Variants in ZNF804A observed in about 807,000 individuals in gnomAD.
ZNF804A encodes the protein zinc finger protein 804A.
ZNF804A carries 2 observed loss-of-function variants against 16.5 expected under a neutral mutation model. That is an observed-to-expected ratio of 0.12 (90% CI 0.05 to 0.38). The LOEUF (loss-of-function observed/expected upper bound fraction) is 0.38, where lower values mean the gene tolerates loss of function less well. Ranked by LOEUF, ZNF804A falls within the 10% of genes least tolerant of loss-of-function variation. ZNF804A has a pLI of 0.99. For missense variants in ZNF804A, 1,473 were observed against 1,390.7 expected, an observed-to-expected ratio of 1.06 and a Z score of -0.94; for synonymous variants, 534 against 489.6, an observed-to-expected ratio of 1.09 and a Z score of -1.20.
chr2:184,792,757 T>A (rs530890121), intron 1 of ZNF804A, among the ~76,000 whole-genome samples: 25 of 152,218 alleles, frequency 1.6e-4, no homozygotes, highest in African/African-American at 6.0e-4. Context: ...TATGTTATCT[T>A]CTAGGAGTTT....
intron 1 of ZNF804A, among the ~76,000 whole-genome samples, chr2:184,735,391 A>G (rs568982892): frequency 2.6e-5 from 4 of 152,244 alleles, no homozygotes; most frequent in East Asian, 1.9e-4. Flanking sequence ...GAGTTGAACA[A>G]TGAGAACACA....
At chr2:184,834,168 A>C (rs1195948865) in intron 1 of ZNF804A, among the ~76,000 whole-genome samples, 1 of 152,122 alleles carries the variant, frequency 6.6e-6, no homozygotes, top group Non-Finnish European at 1.5e-5. Context: ...TACATGCTTA[A>C]ATCAATATAT....
chr2:184,809,073 T>C (rs1366792176), intron 1 of ZNF804A, among the ~76,000 whole-genome samples: 7 of 151,934 alleles, frequency 4.6e-5, no homozygotes, highest in African/African-American at 1.4e-4. Context: ...TTGAAGTAGT[T>C]AATTATTGAA....
intron 1 of ZNF804A, among the ~76,000 whole-genome samples, chr2:184,685,728 A>C (rs935338478): frequency 1.3e-5 from 2 of 152,152 alleles, no homozygotes; most frequent in African/African-American, 4.8e-5. Flanking sequence ...ACATGTTTTC[A>C]TTCCAGGCCA....
intron 1 of ZNF804A, among the ~76,000 whole-genome samples, chr2:184,613,516 G>A (rs1314758538): frequency 6.6e-6 from 1 of 152,166 alleles, no homozygotes; most frequent in Non-Finnish European, 1.5e-5. Flanking sequence ...GTAAGATTTG[G>A]CAAAACCTGA....
rs1559010084 is a variant in ZNF804A, at chr2:184,938,712, CACGCTGCAGCTGCTGCAGCTGCAG to C, written c.3317_3340del (p.His1106_Ala1114delinsPro). The C allele has an allele frequency of 6.2e-7, 1 of 1,613,176 alleles. No homozygotes were observed. The highest frequency in any genetic ancestry group is 2.2e-5 in the East Asian group (1 of 44,798). ...TATCCATCACACTGTTTTGCAGCAG[CACGCTGCAGCTGCTGCAGCTGCAG>C]CTGCAGCCGCAGCTGCAGGAACCTT... On this transcript the variant is annotated inframe_deletion, in exon 4 of 4. Transcript: ENST00000302277.
At chr2:184,806,127 A>G (rs1186588611) in intron 1 of ZNF804A, among the ~76,000 whole-genome samples, 2 of 151,932 alleles carry the variant, frequency 1.3e-5, no homozygotes, top group Admixed American at 6.6e-5. Context: ...ATCCATCACT[A>G]TTGACTTTAG....
At chr2:184,846,101 A>C (rs1055047798) in intron 1 of ZNF804A, among the ~76,000 whole-genome samples, 1 of 152,122 alleles carries the variant, frequency 6.6e-6, no homozygotes, top group Non-Finnish European at 1.5e-5. Context: ...CAAGCTTCGT[A>C]TGTGTCAGAG....
chr2:184,937,761 A>C lies in ZNF804A; in HGVS notation c.2365A>C (p.Asn789His), dbSNP rs758664598. The change falls in exon 4 of 4, where the codon AAT becomes CAT. Residue 789 changes from asparagine (N) to histidine (H), a missense_variant. Physicochemically the swap from Asn to His is moderately conservative, Grantham distance 68. Coordinates refer to ENST00000302277, the MANE Select transcript of ZNF804A (RefSeq NM_194250.2). ...YSSDESLNRQ[N>H]HLPEEFLRPP... Reference sequence around the variant, plus strand: ...TTCAGATGAAAGTTTAAATCGACAGAATCATTTACCAGAAGAATTTTTGAG... The same window carrying C: ...TTCAGATGAAAGTTTAAATCGACAGCATCATTTACCAGAAGAATTTTTGAG... 3.7e-6 allele frequency: 6 copies of C among 1,614,048 alleles called. No homozygotes were observed. Among genetic ancestry groups the C allele is most frequent in the East Asian group, 4.5e-5 (2 of 44,860 alleles).
chr2:184,899,658 T>C (rs1685144708), intron 2 of ZNF804A, among the ~76,000 whole-genome samples: 1 of 152,014 alleles, frequency 6.6e-6, no homozygotes, highest in Non-Finnish European at 1.5e-5. Flanking sequence ...TAAAATAAAT[T>C]GAAAAAGTAA....
chr2:184,933,580 A>C (rs374552783), intron 2 of ZNF804A, 23 bp from the exon 3 acceptor site: 1 of 1,569,898 alleles, frequency 6.4e-7, no homozygotes, highest in Non-Finnish European at 8.6e-7. Context: ...ACAATTAATC[A>C]TTTTCCAACT....
chr2:184,883,612 A>C (rs1257568993), intron 2 of ZNF804A, among the ~76,000 whole-genome samples: 37 of 152,092 alleles, frequency 2.4e-4, no homozygotes, highest in Admixed American at 2.4e-3. Context: ...ACAATCAATT[A>C]GGATTTTTCC....
intron 1 of ZNF804A, among the ~76,000 whole-genome samples, chr2:184,698,678 C>T (rs1476026398): frequency 6.6e-6 from 1 of 152,010 alleles, no homozygotes; most frequent in Non-Finnish European, 1.5e-5. Flanking sequence ...GATTTGTTGA[C>T]TCAGCAGTTC....
At chr2:184,917,901 C>A in intron 2 of ZNF804A, among the ~76,000 whole-genome samples, 1 of 152,074 alleles carries the variant, frequency 6.6e-6, no homozygotes, top group African/African-American at 2.4e-5. Flanking sequence ...ATGGTTATTG[C>A]CAGTATTTAC....
chr2:184,933,732 T>C lies in ZNF804A; in HGVS notation c.385T>C (p.Cys129Arg). The change falls in exon 3 of 4, where the codon TGT (cysteine) becomes CGT (arginine). Residue 129 changes from cysteine (C) to arginine (R), a missense_variant and splice_region_variant. By Grantham distance (180) the Cys-to-Arg change is radical. Transcript: ENST00000302277. Reference protein sequence around the residue: ...KLAELRKETVCAPGSGPMFKS... With the variant: ...KLAELRKETVRAPGSGPMFKS... ...GGCTGAGCTAAGAAAGGAAACTGTA[T>C]GGTGAGTATCCAATGAAATTGTAAG... The C allele has an allele frequency of 6.3e-7, 1 of 1,595,966 alleles. No homozygotes were observed. The highest frequency in any genetic ancestry group is 1.2e-5 in the South Asian group (1 of 86,918).
In ZNF804A at chr2:184,642,775, G is replaced by A. The variant is rs115805095; in HGVS notation, c.111+43705G>A. Among the ~76,000 whole-genome samples the A allele has an allele frequency of 4.2e-3, 644 of 152,232 alleles. 5 individuals are homozygous for A. Among genetic ancestry groups the A allele is most frequent in the African/African-American group, 0.015 (613 of 41,552 alleles). On this transcript the variant is annotated intron_variant, in intron 1 of 3. Transcript: ENST00000302277. ...CTCTTGTGTGCCAAGGATGGAAGAA[G>A]TCTAAAGAGCACATTCTTAAGACCA...
intron 2 of ZNF804A, among the ~76,000 whole-genome samples, chr2:184,885,232 CT>C (rs1558992436): frequency 6.6e-6 from 1 of 152,172 alleles, no homozygotes; most frequent in Non-Finnish European, 1.5e-5. Context: ...CACTTATACA[CT>C]GCTCGTATGA....
intron 1 of ZNF804A, among the ~76,000 whole-genome samples, chr2:184,643,283 A>T (rs954204954): frequency 2.0e-5 from 3 of 151,902 alleles, no homozygotes; most frequent in African/African-American, 7.2e-5. Flanking sequence ...TTTGTTTGTC[A>T]TTTGTTTGTC....
Position 184,917,893 on chromosome 2 carries a change from G to A in ZNF804A, c.256-15710G>A, listed in dbSNP as rs1426230298. ...TCCTCATTTCTGTAACTGGCCACAT[G>A]GTTATTGCCAGTATTTACAAATGCT... On this transcript the variant is annotated intron_variant, in intron 2 of 3. Transcript: ENST00000302277. Among the ~76,000 whole-genome samples, 4 of 151,948 alleles carry A rather than the reference G, an allele frequency of 2.6e-5. No individual in the cohort carries two copies. The South Asian group carries it at 8.3e-4, about 32-fold the overall frequency.
Sources: gnomAD v4.1 joint callset for allele counts (sites outside exome capture counted in the v4.1 genomes callset) on GRCh38, gnomAD v4.1.1 for gene constraint, MANE v1.5 for transcripts, NCBI Gene and HGNC (gene_info 2026-07-23, HGNC 2026-07-21) for gene names.